Variants in SLIT3 observed in about 807,000 individuals in gnomAD.
The protein encoded by SLIT3 is slit homolog 3 protein.
A neutral mutation model predicts 184.0 loss-of-function variants in SLIT3; 68 were observed. That is an observed-to-expected ratio of 0.37 (90% CI 0.30 to 0.45). The LOEUF (loss-of-function observed/expected upper bound fraction) is 0.45, where lower values mean the gene tolerates loss of function less well. Ranked by LOEUF, SLIT3 falls within the 20% of genes least tolerant of loss-of-function variation. The pLI, the probability that SLIT3 is intolerant of heterozygous loss-of-function variation, is 1.00. For synonymous variants in SLIT3, 831 were observed against 828.6 expected (o/e 1.00, Z -0.05); for missense variants, 1,707 against 2,026.0 (o/e 0.84, Z 3.02).
At chr5:168,813,595 T>A (rs1757237803) in intron 8 of SLIT3, among the ~76,000 whole-genome samples, 1 of 152,156 alleles carries the variant, frequency 6.6e-6, no homozygotes. Flanking sequence ...AAATTCCCAA[T>A]ACCCAGGGGA....
chr5:168,878,778 G>T (rs543521851), intron 5 of SLIT3, among the ~76,000 whole-genome samples: 1 of 148,522 alleles, frequency 6.7e-6, no homozygotes, highest in African/African-American at 2.5e-5. Flanking sequence ...GCAATGGTGC[G>T]ATCTTGGCTC....
intron 3 of SLIT3, among the ~76,000 whole-genome samples, chr5:169,193,978 A>G (rs1763656242): frequency 6.6e-6 from 1 of 152,154 alleles, no homozygotes; most frequent in Non-Finnish European, 1.5e-5. Context: ...TTACGCCTGT[A>G]ATCCCAGTAC....
Position 169,300,368 on chromosome 5 carries a change from G to A in SLIT3, c.197+145C>T. The A allele has an allele frequency of 9.1e-7, 1 of 1,104,914 alleles. No homozygotes were observed. Among genetic ancestry groups the A allele is most frequent in the Non-Finnish European group, 1.2e-6 (1 of 842,952 alleles). The allele number at this position is 1,104,914 out of a possible 1,614,324, so 68.4% of individuals were successfully genotyped here. On this transcript the variant is annotated intron_variant, in intron 1 of 35. Transcript: ENST00000519560. The surrounding 1 kb of genome is among the most constrained non-coding windows in gnomAD (Gnocchi z 4.1). ...GACCAAGCCTACAGACCCCCAGCTCGGAGAGTGAGGGATCGTATCCAGGAA... is the reference window on the plus strand; with the variant it reads ...GACCAAGCCTACAGACCCCCAGCTCAGAGAGTGAGGGATCGTATCCAGGAA...
At chr5:169,147,107 G>A (rs1761950424) in intron 4 of SLIT3, among the ~76,000 whole-genome samples, 1 of 152,166 alleles carries the variant, frequency 6.6e-6, no homozygotes, top group South Asian at 2.1e-4. Flanking sequence ...CTCCTATGCA[G>A]CCCCCACAGT....
chr5:168,665,614 C>T lies in SLIT3; in HGVS notation c.*840G>A, dbSNP rs537305029. 8 of 152,376 alleles carry T rather than the reference C, an allele frequency of 5.3e-5. No homozygotes were observed. The East Asian group carries it at 1.5e-3, about 29-fold the overall frequency. The allele number at this position is 152,376 out of a possible 1,614,324, so 9.4% of individuals were successfully genotyped here. A position where few individuals can be genotyped will look rare whatever the true frequency, so the allele number is the denominator to read the frequency against. On this transcript the variant is annotated 3_prime_UTR_variant, in exon 36 of 36. Coordinates refer to ENST00000519560, the MANE Select transcript of SLIT3 (RefSeq NM_003062.4). ...GCAGCTGTTTTAAAATTTGGTAAGA[C>T]AGTTCCAAATGACACCTGTAGCAGA...
chr5:169,034,846 A>C (rs1445976277), intron 4 of SLIT3, among the ~76,000 whole-genome samples: 2 of 150,436 alleles, frequency 1.3e-5, no homozygotes, highest in Non-Finnish European at 2.9e-5. Flanking sequence ...CTCCATGCTC[A>C]GGAGATCCTC....
At chr5:169,185,218 G>T (rs562578449) in intron 4 of SLIT3, among the ~76,000 whole-genome samples, 2 of 152,322 alleles carry the variant, frequency 1.3e-5, no homozygotes, top group South Asian at 4.1e-4. Context: ...ACACAAGGCT[G>T]GCCTCACTGC....
chr5:168,867,621 G>C (rs1175831440), intron 5 of SLIT3, among the ~76,000 whole-genome samples: 2 of 152,190 alleles, frequency 1.3e-5, no homozygotes, highest in African/African-American at 4.8e-5. Flanking sequence ...AGTAGAAAGG[G>C]ATGTTCAAGT....
At position 169,263,655 on chromosome 5, in the gene SLIT3, C is replaced by A. The variant is rs377680713; in HGVS notation, c.198-12196G>T. On this transcript the variant is annotated intron_variant, in intron 1 of 35. Transcript: ENST00000519560. ...GCCCAACGTTCAGGCTTTCTCTGGG[C>A]GTATCTGTGTGCTAGGGCTGCCATA... 302 of 508,222 alleles carry A rather than the reference C, an allele frequency of 5.9e-4. 2 individuals are homozygous for A. The African/African-American group carries it at 6.0e-3, about 10-fold the overall frequency. 31.5% of individuals were successfully genotyped at this position (508,222 alleles called of 1,614,324 possible).
At chr5:168,820,430 A>T (rs1200845153) in intron 7 of SLIT3, among the ~76,000 whole-genome samples, 1 of 152,172 alleles carries the variant, frequency 6.6e-6, no homozygotes, top group East Asian at 1.9e-4. Flanking sequence ...TCATCTGTCA[A>T]ATGGGGATAT....
intron 4 of SLIT3, among the ~76,000 whole-genome samples, chr5:169,059,442 A>G (rs1201578575): frequency 6.6e-6 from 1 of 151,988 alleles, no homozygotes; most frequent in Non-Finnish European, 1.5e-5. Flanking sequence ...TAGGATCCCC[A>G]CTTTATCCAG....
intron 3 of SLIT3, among the ~76,000 whole-genome samples, chr5:169,210,825 T>C (rs907066462): frequency 9.2e-5 from 14 of 152,210 alleles, no homozygotes; most frequent in Non-Finnish European, 1.5e-4. Flanking sequence ...CGCACACTAG[T>C]AGAATTATAC....
chr5:168,894,105 C>CT (rs1760571909), intron 4 of SLIT3, among the ~76,000 whole-genome samples: 1 of 152,136 alleles, frequency 6.6e-6, no homozygotes, highest in African/African-American at 2.4e-5. Flanking sequence ...CCAAGGTGGT[C>CT]TTTTTTAACT....
chr5:168,760,757 G>A lies in SLIT3; in HGVS notation c.1685+105C>T, dbSNP rs1755117710. The A allele has an allele frequency of 6.1e-6, 5 of 816,246 alleles. No homozygotes were observed. The East Asian group carries it at 1.2e-4, about 20-fold the overall frequency. 50.6% of individuals were successfully genotyped at this position (816,246 alleles called of 1,614,324 possible). On this transcript the variant is annotated intron_variant, in intron 16 of 35. Transcript: ENST00000519560. Reference sequence around the variant, plus strand: ...GCTGAGGAGAAGGCTGGGAGGGAGTGGAGCAGAGGCTGGGGGAGAGGCCGG... The same window carrying A: ...GCTGAGGAGAAGGCTGGGAGGGAGTAGAGCAGAGGCTGGGGGAGAGGCCGG...
At chr5:169,214,189 G>A (rs1764360636) in intron 3 of SLIT3, among the ~76,000 whole-genome samples, 1 of 152,210 alleles carries the variant, frequency 6.6e-6, no homozygotes, top group Admixed American at 6.5e-5. Flanking sequence ...TATTCTGCCT[G>A]ATATAAAATA....
At chr5:169,089,041 AAAAAAAAAAAAAAAG>A (rs1759456898) in intron 4 of SLIT3, among the ~76,000 whole-genome samples, 2 of 144,724 alleles carry the variant, frequency 1.4e-5, no homozygotes, top group African/African-American at 5.3e-5. Context: ...AAAAAAAAAA[AAAAAAAAAAAAAAAG>A]AAGTGCTGAC....
chr5:169,085,458 C>A (rs977901267), intron 4 of SLIT3, among the ~76,000 whole-genome samples: 1 of 152,118 alleles, frequency 6.6e-6, no homozygotes, highest in Non-Finnish European at 1.5e-5. Context: ...AGCAAAGGGG[C>A]GTGGGAGGGG....
At chr5:168,964,194 G>C (rs1285534702) in intron 4 of SLIT3, among the ~76,000 whole-genome samples, 2 of 152,238 alleles carry the variant, frequency 1.3e-5, no homozygotes, top group Non-Finnish European at 2.9e-5. Flanking sequence ...AAACACTTCT[G>C]TAGCACAATC....
At chr5:169,275,238 C>A (rs559768213) in intron 1 of SLIT3, among the ~76,000 whole-genome samples, 1 of 152,204 alleles carries the variant, frequency 6.6e-6, no homozygotes, top group East Asian at 1.9e-4. Flanking sequence ...ACAGGTATCA[C>A]TGCACCCATT....
Sources: allele counts gnomAD v4.1 joint callset (sites outside exome capture counted in the v4.1 genomes callset), GRCh38; gene constraint gnomAD v4.1.1; non-coding constraint Gnocchi (gnomAD v3.1); transcripts MANE v1.5; gene names NCBI Gene and HGNC (gene_info 2026-07-23, HGNC 2026-07-21).